Variants in ARK2C observed in about 807,000 individuals in gnomAD.
ARK2C encodes the protein arkadia (RNF111) C-terminal like ring finger ubiquitin ligase 2C.
chr18:46,378,017 G>A, the ARK2C span, among the ~76,000 whole-genome samples: 1 of 152,132 alleles, frequency 6.6e-6, no homozygotes, highest in African/African-American at 2.4e-5. Flanking sequence ...GAGGCATTTG[G>A]GAAGAGGGTG....
chr18:46,393,484 T>C, the ARK2C span, among the ~76,000 whole-genome samples: 2 of 152,136 alleles, frequency 1.3e-5, no homozygotes, highest in Non-Finnish European at 2.9e-5. Context: ...GCTGGGAGGC[T>C]TCCTTCTCTT....
the ARK2C span, among the ~76,000 whole-genome samples, chr18:46,374,042 A>G: frequency 3.4e-4 from 51 of 151,968 alleles, no homozygotes; most frequent in African/African-American, 1.0e-3. Flanking sequence ...TTCCTGCAGC[A>G]TGAGCAGGGC....
At chr18:46,336,011 G>A in the ARK2C span, 2 of 985,362 alleles carry the variant, frequency 2.0e-6, no homozygotes, top group Non-Finnish European at 2.4e-6. Flanking sequence ...CTATTTAAGC[G>A]GCAGTATCCC....
At chr18:46,405,887 T>C in the ARK2C span, among the ~76,000 whole-genome samples, 5 of 152,080 alleles carry the variant, frequency 3.3e-5, no homozygotes, top group African/African-American at 1.2e-4. Context: ...TGTATCAACC[T>C]TCCTGCAGGA....
At chr18:46,416,102 T>G in the ARK2C span, among the ~76,000 whole-genome samples, 5 of 152,118 alleles carry the variant, frequency 3.3e-5, no homozygotes, top group South Asian at 2.1e-4. Context: ...AACAATTGAT[T>G]TGTCTATTTG....
the ARK2C span, chr18:46,461,476 C>G: frequency 6.6e-6 from 1 of 152,090 alleles, no homozygotes; most frequent in African/African-American, 2.4e-5. Flanking sequence ...GAAACCCTGT[C>G]TCTACTAAAA....
At chr18:46,355,421 C>T in the ARK2C span, among the ~76,000 whole-genome samples, 1 of 152,168 alleles carries the variant, frequency 6.6e-6, no homozygotes, top group African/African-American at 2.4e-5. Flanking sequence ...CCTTCTGCCT[C>T]ATTCTCTAGG....
the ARK2C span, among the ~76,000 whole-genome samples, chr18:46,369,471 G>A: frequency 2.0e-5 from 3 of 152,268 alleles, no homozygotes; most frequent in South Asian, 2.1e-4. Flanking sequence ...TCCGGGGAAT[G>A]TTGAAGTCCT....
chr18:46,373,160 C>T, the ARK2C span, among the ~76,000 whole-genome samples: 1 of 152,260 alleles, frequency 6.6e-6, no homozygotes, highest in East Asian at 1.9e-4. Flanking sequence ...AGAAGGGCCT[C>T]CTGCCCCATT....
chr18:46,385,387 TGTGTGAGTGTGC>T, the ARK2C span, among the ~76,000 whole-genome samples: 54 of 152,194 alleles, frequency 3.5e-4, no homozygotes, highest in Admixed American at 8.5e-4. Flanking sequence ...TGTGCATGTG[TGTGTGAGTGTGC>T]GTGTGCATAT....
chr18:46,337,042 C>G, the ARK2C span: 1 of 985,364 alleles, frequency 1.0e-6, no homozygotes, highest in Non-Finnish European at 1.2e-6. Context: ...CCCTGGCCCT[C>G]AGAGCTGCCC....
the ARK2C span, among the ~76,000 whole-genome samples, chr18:46,364,051 A>T: frequency 6.8e-6 from 1 of 147,832 alleles, no homozygotes; most frequent in African/African-American, 2.5e-5. Flanking sequence ...GGGTTCAAGC[A>T]GTTCTCATGC....
chr18:46,450,234 A>C, the ARK2C span: 6 of 1,054,370 alleles, frequency 5.7e-6, no homozygotes, highest in African/African-American at 3.1e-5. Flanking sequence ...GAGAAGTTGC[A>C]TGCTGGGCTC....
chr18:46,334,723 A>T, the ARK2C span: 254 of 313,506 alleles, frequency 8.1e-4, no homozygotes, highest in South Asian at 1.9e-3. The surrounding 1 kb of genome is among the most constrained non-coding windows in gnomAD (Gnocchi z 4.4). Flanking sequence ...TGTGAGAGAG[A>T]GAGAGAGCGC....
chr18:46,416,749 A>T, the ARK2C span, among the ~76,000 whole-genome samples: 1 of 152,322 alleles, frequency 6.6e-6, no homozygotes, highest in East Asian at 1.9e-4. Flanking sequence ...TTTGTATATC[A>T]CATGGTCTGT....
chr18:46,365,443 G>A, the ARK2C span, among the ~76,000 whole-genome samples: 3 of 152,176 alleles, frequency 2.0e-5, no homozygotes, highest in Non-Finnish European at 4.4e-5. Context: ...CTCTTGATAT[G>A]CAGGGCACCA....
the ARK2C span, among the ~76,000 whole-genome samples, chr18:46,454,736 G>A: frequency 6.6e-6 from 1 of 152,224 alleles, no homozygotes; most frequent in African/African-American, 2.4e-5. Flanking sequence ...AAATGATCTT[G>A]AAGTCAGCCT....
the ARK2C span, among the ~76,000 whole-genome samples, chr18:46,411,500 A>T: frequency 7.1e-3 from 1,080 of 152,246 alleles, 10 homozygotes; most frequent in African/African-American, 0.025. Flanking sequence ...TTTGCTATCG[A>T]TTGATTCATT....
chr18:46,436,964 T>C, the ARK2C span, among the ~76,000 whole-genome samples: 1 of 152,152 alleles, frequency 6.6e-6, no homozygotes, highest in Non-Finnish European at 1.5e-5. Flanking sequence ...ACAGGTGACA[T>C]AGGTGGGACT....
Sources: allele counts gnomAD v4.1 joint callset (sites outside exome capture counted in the v4.1 genomes callset), GRCh38; gene constraint gnomAD v4.1.1; non-coding constraint Gnocchi (gnomAD v3.1); transcripts MANE v1.5; gene names NCBI Gene and HGNC (gene_info 2026-07-23, HGNC 2026-07-21).